Variants in UBAC1 observed in about 807,000 individuals in gnomAD.
UBAC1 encodes the protein ubiquitin-associated domain-containing protein 1.
UBAC1 carries 27 observed loss-of-function variants against 45.9 expected under a neutral mutation model. The observed-to-expected ratio is 0.59, with a 90% confidence interval of 0.43 to 0.81. The LOEUF is 0.81. UBAC1 is among the 30% of genes least tolerant of loss of function. UBAC1 has a pLI of 0.00. For missense variants in UBAC1, 529 were observed against 539.2 expected, an observed-to-expected ratio of 0.98 and a Z score of 0.19; for synonymous variants, 227 against 215.5, an observed-to-expected ratio of 1.05 and a Z score of -0.47.
intron 3 of UBAC1, among the ~76,000 whole-genome samples, chr9:135,952,885 G>C (rs1024425167): frequency 9.2e-5 from 14 of 152,242 alleles, no homozygotes; most frequent in African/African-American, 2.7e-4. Context: ...TTTTCCGATG[G>C]GGATGCTGAG....
At chr9:135,933,574 G>A in intron 9 of UBAC1, 59 bp from the exon 10 acceptor site, 1 of 1,295,092 alleles carries the variant, frequency 7.7e-7, no homozygotes. Flanking sequence ...CACAGGCACA[G>A]GCGTGACTTT....
chr9:135,956,418 C>G (rs1839466540), intron 1 of UBAC1, among the ~76,000 whole-genome samples: 1 of 152,174 alleles, frequency 6.6e-6, no homozygotes, highest in Non-Finnish European at 1.5e-5. Context: ...AACACGGGGG[C>G]TAGGCGCGTC....
intron 9 of UBAC1, among the ~76,000 whole-genome samples, chr9:135,936,191 A>G (rs1343577624): frequency 6.6e-6 from 1 of 152,120 alleles, no homozygotes; most frequent in Non-Finnish European, 1.5e-5. Context: ...TATTAGGAAA[A>G]AAAAAAGAAA....
At position 135,954,606 on chromosome 9, in the gene UBAC1, CAATAATTGTGCAAAG is replaced by C. The variant is rs546518598; in HGVS notation, c.259+674_259+688del. On this transcript the variant is annotated intron_variant, in intron 2 of 9. Coordinates refer to ENST00000371756, the MANE Select transcript of UBAC1 (RefSeq NM_016172.3). ...CCAGGAGGCAGGCACAGCACGGCCCCAATAATTGTGCAAAGAATTGGTGACAATCCTGCAACAGGC... is the reference window on the plus strand; with the variant it reads ...CCAGGAGGCAGGCACAGCACGGCCCCAATTGGTGACAATCCTGCAACAGGC... Among the ~76,000 whole-genome samples, 7 of 152,308 alleles carry C rather than the reference CAATAATTGTGCAAAG, an allele frequency of 4.6e-5. No individual in the cohort carries two copies. The South Asian group carries it at 1.5e-3, about 32-fold the overall frequency.
In UBAC1 at chr9:135,961,140, A is replaced by T. The variant is rs1170624335; in HGVS notation, c.23T>A (p.Ile8Asn). 1 of 1,582,970 alleles carries T rather than the reference A, an allele frequency of 6.3e-7. No homozygotes were observed. Residue 8 changes from isoleucine to asparagine, a missense_variant, in exon 1 of 10, where the codon ATC becomes AAC. Coordinates refer to ENST00000371756, the MANE Select transcript of UBAC1 (RefSeq NM_016172.3). Reference protein sequence around the residue: MFVQEEKIFAGKVLRLHI... With the variant: MFVQEEKNFAGKVLRLHI... ...CAGCCGCAGCACCTTGCCCGCGAAGATCTTCTCCTCCTGCACGAACATCCC... is the reference window on the plus strand; with the variant it reads ...CAGCCGCAGCACCTTGCCCGCGAAGTTCTTCTCCTCCTGCACGAACATCCC...
chr9:135,943,047 T>G (rs1839288136), intron 7 of UBAC1, among the ~76,000 whole-genome samples: 1 of 152,114 alleles, frequency 6.6e-6, no homozygotes, highest in Admixed American at 6.5e-5. Flanking sequence ...ATCCAGAATC[T>G]ACATGGAATA....
At chr9:135,947,751 C>T (rs753763205) in intron 4 of UBAC1, 47 bp downstream of exon 4, 2 of 1,530,918 alleles carry the variant, frequency 1.3e-6, no homozygotes, top group East Asian at 2.3e-5. Flanking sequence ...AGCAATCCCC[C>T]ACACGGGGAC....
At chr9:135,939,627 C>T (rs759828797) in intron 8 of UBAC1, 46 bp downstream of exon 8, 1 of 1,574,552 alleles carries the variant, frequency 6.4e-7, no homozygotes, top group South Asian at 1.1e-5. Flanking sequence ...ACAGCCCACA[C>T]TCACTCACCA....
chr9:135,946,771 A>G (rs1334037325), intron 4 of UBAC1, among the ~76,000 whole-genome samples: 1 of 152,232 alleles, frequency 6.6e-6, no homozygotes, highest in Non-Finnish European at 1.5e-5. Flanking sequence ...CATGGCTGCC[A>G]CACAGCGTCT....
chr9:135,954,547 C>T (rs1286506591), intron 2 of UBAC1, among the ~76,000 whole-genome samples: 1 of 152,246 alleles, frequency 6.6e-6, no homozygotes, highest in African/African-American at 2.4e-5. Flanking sequence ...TACAAGCTCC[C>T]AGGCCTGGCA....
intron 4 of UBAC1, chr9:135,947,442 G>T: frequency 5.3e-6 from 1 of 189,804 alleles, no homozygotes; most frequent in Non-Finnish European, 1.1e-5. Flanking sequence ...TAGTAGAGAC[G>T]GAGTTTCATC....
In UBAC1 at chr9:135,949,381, C is replaced by T. The variant is rs569549507; in HGVS notation, c.334-1476G>A. Reference sequence around the variant, plus strand: ...GAACATTTTCCAGGACTAAATTTCCCAGAACTCAAACATCTGAATCTCCAG... The same window carrying T: ...GAACATTTTCCAGGACTAAATTTCCTAGAACTCAAACATCTGAATCTCCAG... On this transcript the variant is annotated intron_variant, in intron 3 of 9. Coordinates refer to ENST00000371756, the MANE Select transcript of UBAC1 (RefSeq NM_016172.3). Among the ~76,000 whole-genome samples, 4 of 152,254 alleles carry T rather than the reference C, an allele frequency of 2.6e-5. 1 individual carries two copies. The highest frequency in any genetic ancestry group is 9.6e-5 in the African/African-American group (4 of 41,544).
intron 1 of UBAC1, among the ~76,000 whole-genome samples, chr9:135,957,940 A>G (rs1166624511): frequency 2.0e-5 from 3 of 150,094 alleles, no homozygotes; most frequent in Non-Finnish European, 3.0e-5. Context: ...ATGCCAGGCT[A>G]TTTTTTTACA....
At chr9:135,937,631 G>A (rs1839215578) in intron 9 of UBAC1, among the ~76,000 whole-genome samples, 2 of 152,076 alleles carry the variant, frequency 1.3e-5, no homozygotes, top group Admixed American at 6.6e-5. Flanking sequence ...TGTTTAAGGA[G>A]ACACAAATAC....
intron 3 of UBAC1, 145 bp from the exon 4 acceptor site, chr9:135,948,050 GC>G: frequency 1.5e-6 from 1 of 687,586 alleles, no homozygotes; most frequent in Non-Finnish European, 2.4e-6. Context: ...AGCTGGGGGA[GC>G]CTGGAGAGTT....
chr9:135,951,392 A>C (rs1376630790), intron 3 of UBAC1, among the ~76,000 whole-genome samples: 1 of 152,154 alleles, frequency 6.6e-6, no homozygotes, highest in Non-Finnish European at 1.5e-5. Context: ...CGGGAGGCTG[A>C]GGCAGGAGGA....
intron 1 of UBAC1, among the ~76,000 whole-genome samples, chr9:135,960,573 C>T (rs1347880030): frequency 8.0e-6 from 1 of 125,738 alleles, no homozygotes; most frequent in East Asian, 2.4e-4. Context: ...TAATTCTCAG[C>T]TCTCAAAGAT....
Position 135,961,127 on chromosome 9 carries a change from C to A in UBAC1, c.36G>T (p.Lys12Asn). The A allele has an allele frequency of 1.3e-6, 2 of 1,587,258 alleles. No individual in the cohort carries two copies. Among genetic ancestry groups the A allele is most frequent in the Admixed American group, 1.7e-5 (1 of 58,078 alleles). ...FVQEEKIFAG[K>N]VLRLHICASD... Reference sequence around the variant, plus strand: ...ACGCGCAGATGTGCAGCCGCAGCACCTTGCCCGCGAAGATCTTCTCCTCCT... The same window carrying A: ...ACGCGCAGATGTGCAGCCGCAGCACATTGCCCGCGAAGATCTTCTCCTCCT... Residue 12 changes from lysine to asparagine, a missense_variant, in exon 1 of 10, where the codon AAG becomes AAT. By Grantham distance (94) the Lys-to-Asn change is moderately conservative. Transcript: ENST00000371756.
intron 1 of UBAC1, among the ~76,000 whole-genome samples, chr9:135,960,540 C>T (rs1718549323): frequency 6.6e-6 from 1 of 152,132 alleles, no homozygotes; most frequent in African/African-American, 2.4e-5. Flanking sequence ...GGAGAAGGGG[C>T]CTCTTCATGA....
Sources: gnomAD v4.1 joint callset for allele counts (sites outside exome capture counted in the v4.1 genomes callset) on GRCh38, gnomAD v4.1.1 for gene constraint, MANE v1.5 for transcripts, NCBI Gene and HGNC (gene_info 2026-07-23, HGNC 2026-07-21) for gene names.